Variants in QTMAN observed in about 807,000 individuals in gnomAD.
The protein encoded by QTMAN is tRNA-queuosine alpha-mannosyltransferase.
the QTMAN span, among the ~76,000 whole-genome samples, chr2:144,205,509 AT>A: frequency 6.6e-6 from 1 of 152,146 alleles, no homozygotes; most frequent in Non-Finnish European, 1.5e-5. Context: ...ATCCTAACTA[AT>A]TTAAGTCAAT....
At chr2:144,069,297 CA>C in the QTMAN span, among the ~76,000 whole-genome samples, 8,165 of 85,470 alleles carry the variant, frequency 0.096, 695 homozygotes, top group African/African-American at 0.27. Context: ...GAATCTTTTA[CA>C]AAAAAAAAAA....
chr2:144,162,784 C>T, the QTMAN span, among the ~76,000 whole-genome samples: 1 of 152,106 alleles, frequency 6.6e-6, no homozygotes. Context: ...TAAGTCACAT[C>T]AACGAGCAGG....
chr2:144,150,196 G>T, the QTMAN span, among the ~76,000 whole-genome samples: 1 of 152,040 alleles, frequency 6.6e-6, no homozygotes, highest in Admixed American at 6.6e-5. Context: ...ATGGCTTCAG[G>T]AGGCCTTTGA....
At chr2:144,100,888 G>A in the QTMAN span, among the ~76,000 whole-genome samples, 1 of 7,530 alleles carries the variant, frequency 1.3e-4, no homozygotes, top group African/African-American at 2.3e-4. Context: ...TTTTTTTTTT[G>A]AGATGGAGTC....
chr2:144,056,960 G>A, the QTMAN span, among the ~76,000 whole-genome samples: 1 of 152,196 alleles, frequency 6.6e-6, no homozygotes, highest in Admixed American at 6.5e-5. Context: ...ATTTTTGACA[G>A]TGTGAATCTC....
At chr2:144,012,788 T>C in the QTMAN span, among the ~76,000 whole-genome samples, 2 of 152,156 alleles carry the variant, frequency 1.3e-5, no homozygotes, top group Non-Finnish European at 2.9e-5. Flanking sequence ...AATTAATTAA[T>C]TAGTGTATGA....
At chr2:143,966,723 T>C in the QTMAN span, among the ~76,000 whole-genome samples, 1 of 152,250 alleles carries the variant, frequency 6.6e-6, no homozygotes, top group Admixed American at 6.5e-5. Context: ...ACTGACACTC[T>C]TAATTCTACT....
the QTMAN span, among the ~76,000 whole-genome samples, chr2:144,171,953 A>T: frequency 6.6e-6 from 1 of 152,164 alleles, no homozygotes. Context: ...ACAAAATGAA[A>T]ATTATGCTGT....
At chr2:143,971,653 T>C in the QTMAN span, among the ~76,000 whole-genome samples, 1 of 152,168 alleles carries the variant, frequency 6.6e-6, no homozygotes, top group African/African-American at 2.4e-5. Flanking sequence ...AATTATCTTA[T>C]TTCAGACAGA....
At chr2:144,188,039 G>A in the QTMAN span, among the ~76,000 whole-genome samples, 1 of 152,198 alleles carries the variant, frequency 6.6e-6, no homozygotes, top group Non-Finnish European at 1.5e-5. Context: ...AAGCCAGAAA[G>A]AGGCAAGGAA....
the QTMAN span, among the ~76,000 whole-genome samples, chr2:144,283,018 C>T: frequency 1.3e-5 from 2 of 152,140 alleles, no homozygotes; most frequent in Non-Finnish European, 2.9e-5. Flanking sequence ...GCCCAGGACC[C>T]TTCCAGACCT....
chr2:144,302,187 T>C, the QTMAN span, among the ~76,000 whole-genome samples: 5 of 152,012 alleles, frequency 3.3e-5, no homozygotes, highest in African/African-American at 4.8e-5. Flanking sequence ...GAGGGCTTAC[T>C]TGTGTTTACC....
the QTMAN span, among the ~76,000 whole-genome samples, chr2:144,269,717 A>G: frequency 6.6e-6 from 1 of 152,136 alleles, no homozygotes; most frequent in Non-Finnish European, 1.5e-5. Flanking sequence ...GATTCTGACT[A>G]AGATCCAGAA....
At chr2:144,136,658 T>C in the QTMAN span, among the ~76,000 whole-genome samples, 1 of 152,078 alleles carries the variant, frequency 6.6e-6, no homozygotes, top group Non-Finnish European at 1.5e-5. Flanking sequence ...CTTTAGCATC[T>C]AGTTTAGTAG....
the QTMAN span, chr2:143,970,624 A>C: frequency 9.2e-7 from 1 of 1,092,280 alleles, no homozygotes; most frequent in Non-Finnish European, 1.4e-6. Flanking sequence ...ATCTATAAAA[A>C]TACACATTAG....
the QTMAN span, among the ~76,000 whole-genome samples, chr2:144,134,003 GACC>G: frequency 1.3e-5 from 2 of 152,070 alleles, no homozygotes; most frequent in African/African-American, 2.4e-5. Context: ...TGAGAAGTAT[GACC>G]ACATGTGGTA....
chr2:144,150,946 G>T, the QTMAN span, among the ~76,000 whole-genome samples: 1 of 152,142 alleles, frequency 6.6e-6, no homozygotes, highest in Non-Finnish European at 1.5e-5. Flanking sequence ...AAACAAAGTA[G>T]CTGAGGCAAG....
chr2:144,159,367 C>A, the QTMAN span, among the ~76,000 whole-genome samples: 4 of 151,956 alleles, frequency 2.6e-5, no homozygotes, highest in Non-Finnish European at 4.4e-5. Flanking sequence ...TGGTTGGGAG[C>A]CACTTTTCCT....
the QTMAN span, among the ~76,000 whole-genome samples, chr2:144,153,035 C>T: frequency 6.6e-6 from 1 of 152,018 alleles, no homozygotes; most frequent in Non-Finnish European, 1.5e-5. Flanking sequence ...AGGCCCAGGT[C>T]CTGAGTTCTC....
Sources: gnomAD v4.1 joint callset for allele counts (sites outside exome capture counted in the v4.1 genomes callset) on GRCh38, gnomAD v4.1.1 for gene constraint, MANE v1.5 for transcripts, NCBI Gene and HGNC (gene_info 2026-07-23, HGNC 2026-07-21) for gene names.